Variants in LRRTM4 observed in about 807,000 individuals in gnomAD.
The protein encoded by LRRTM4 is leucine rich repeat transmembrane neuronal 4.
A neutral mutation model predicts 47.6 loss-of-function variants in LRRTM4; 25 were observed. That is an observed-to-expected ratio of 0.53 (90% CI 0.38 to 0.73). LRRTM4 has a LOEUF of 0.73. LRRTM4 is among the 30% of genes least tolerant of loss of function. The probability of loss-of-function intolerance (pLI) is 0.00; values close to 1 mark genes in which losing one functional copy is unlikely to be tolerated. For synonymous variants in LRRTM4, 311 were observed against 269.5 expected, an observed-to-expected ratio of 1.15 and a Z score of -1.51; for missense variants, 638 against 713.4, an observed-to-expected ratio of 0.89 and a Z score of 1.20.
At chr2:77,235,232 C>G (rs1018977389) in intron 3 of LRRTM4, among the ~76,000 whole-genome samples, 5 of 151,850 alleles carry the variant, frequency 3.3e-5, no homozygotes, top group Non-Finnish European at 7.4e-5. Context: ...ATAATAATAC[C>G]CATTCTGACT....
At position 77,521,706 on chromosome 2, in the gene LRRTM4, A is replaced by G. The variant is rs754328794; in HGVS notation, c.-35T>C. On this transcript the variant is annotated 5_prime_UTR_variant, in exon 2 of 4. Transcript: ENST00000409884. ...TCCAAAAACGTTTCCCCCCTCTCTC[A>G]GCTTTCTTCTTATTTGGTCTCTTGT... 2 of 1,611,950 alleles carry G rather than the reference A, an allele frequency of 1.2e-6. No homozygotes were observed. The highest frequency in any genetic ancestry group is 1.7e-6 in the Non-Finnish European group (2 of 1,178,928).
At chr2:77,273,819 A>T (rs747434092) in intron 3 of LRRTM4, among the ~76,000 whole-genome samples, 5 of 152,188 alleles carry the variant, frequency 3.3e-5, no homozygotes, top group Non-Finnish European at 7.4e-5. Flanking sequence ...TCATATATTT[A>T]TCATGTATTG....
intron 3 of LRRTM4, among the ~76,000 whole-genome samples, chr2:77,489,534 A>G (rs1257393830): frequency 6.6e-6 from 1 of 152,244 alleles, no homozygotes; most frequent in African/African-American, 2.4e-5. Context: ...ACATATCAAC[A>G]TTTAAAGCAA....
chr2:77,355,480 G>A (rs1011077953), intron 3 of LRRTM4, among the ~76,000 whole-genome samples: 7 of 152,112 alleles, frequency 4.6e-5, no homozygotes, highest in South Asian at 2.1e-4. Flanking sequence ...ACTAATCACC[G>A]GTTGTTCTGA....
intron 3 of LRRTM4, among the ~76,000 whole-genome samples, chr2:77,465,183 C>G (rs1676938053): frequency 6.6e-6 from 1 of 152,048 alleles, no homozygotes; most frequent in South Asian, 2.1e-4. Context: ...GGATTGATGT[C>G]TGGTATTCAT....
At chr2:77,088,932 ATTCCT>A (rs1426480497) in intron 3 of LRRTM4, among the ~76,000 whole-genome samples, 5 of 151,828 alleles carry the variant, frequency 3.3e-5, no homozygotes, top group Non-Finnish European at 7.4e-5. Flanking sequence ...CTTAATTTCA[ATTCCT>A]TTCATTTTCT....
At chr2:76,817,432 T>C (rs1465758730) in intron 3 of LRRTM4, among the ~76,000 whole-genome samples, 2 of 151,934 alleles carry the variant, frequency 1.3e-5, no homozygotes, top group South Asian at 2.1e-4. Flanking sequence ...ATGTAGGAGA[T>C]AGAGCAATGA....
chr2:77,501,855 G>C (rs72923926), intron 3 of LRRTM4, among the ~76,000 whole-genome samples: 2,541 of 151,270 alleles, frequency 0.017, 66 homozygotes, highest in African/African-American at 0.057. Context: ...ATAAGAAATT[G>C]CATGTGTCAC....
chr2:77,283,310 A>C (rs1676557535), intron 3 of LRRTM4, among the ~76,000 whole-genome samples: 1 of 152,082 alleles, frequency 6.6e-6, no homozygotes, highest in South Asian at 2.1e-4. Context: ...GGCTATTATA[A>C]AAAGTCAAAA....
intron 3 of LRRTM4, among the ~76,000 whole-genome samples, chr2:77,109,752 A>T (rs886298564): frequency 6.6e-6 from 1 of 152,114 alleles, no homozygotes; most frequent in Non-Finnish European, 1.5e-5. Context: ...ACCTAAAAAC[A>T]TGCATAAAAT....
intron 3 of LRRTM4, among the ~76,000 whole-genome samples, chr2:76,903,189 G>C (rs540525213): frequency 6.4e-4 from 97 of 152,082 alleles, no homozygotes; most frequent in Non-Finnish European, 1.2e-3. Flanking sequence ...GGCTAACACA[G>C]TGAAACCCCG....
chr2:77,521,138 AG>A (rs1013330705), intron 2 of LRRTM4, among the ~76,000 whole-genome samples: 8 of 151,908 alleles, frequency 5.3e-5, no homozygotes, highest in East Asian at 3.9e-4. Context: ...GACAGGAGAA[AG>A]GGGGGGAAAA....
intron 3 of LRRTM4, among the ~76,000 whole-genome samples, chr2:77,301,038 T>C (rs1677122012): frequency 6.6e-6 from 1 of 152,084 alleles, no homozygotes; most frequent in South Asian, 2.1e-4. Context: ...TATGAATCCA[T>C]GCTATATCTC....
Position 77,358,900 on chromosome 2 carries a change from T to A in LRRTM4, c.1551+159418A>T, listed in dbSNP as rs544728119. ...AAGACTTGGCCAACACATACTCTTT[T>A]ATTTAAATTATCTCTCTTGAAACTT... On this transcript the variant is annotated intron_variant, in intron 3 of 3. Coordinates refer to ENST00000409884, the MANE Select transcript of LRRTM4 (RefSeq NM_001134745.3). Among the ~76,000 whole-genome samples the A allele has an allele frequency of 3.3e-5, 5 of 152,320 alleles. 1 individual carries two copies. Among genetic ancestry groups the A allele is most frequent in the African/African-American group, 9.6e-5 (4 of 41,582 alleles).
intron 3 of LRRTM4, among the ~76,000 whole-genome samples, chr2:77,243,162 C>T (rs1675317183): frequency 6.6e-6 from 1 of 152,058 alleles, no homozygotes; most frequent in Admixed American, 6.6e-5. Flanking sequence ...CCTGTAATCC[C>T]AGCACTTTGG....
chr2:77,304,690 G>A (rs1317036229), intron 3 of LRRTM4, among the ~76,000 whole-genome samples: 3 of 152,070 alleles, frequency 2.0e-5, no homozygotes, highest in Non-Finnish European at 4.4e-5. Flanking sequence ...TAACTAGCAT[G>A]TACTAAGCAA....
intron 3 of LRRTM4, among the ~76,000 whole-genome samples, chr2:77,357,837 A>T (rs549651335): frequency 6.6e-6 from 1 of 152,312 alleles, no homozygotes; most frequent in East Asian, 1.9e-4. Context: ...GGCTCACTAT[A>T]AAATCTTAAT....
intron 3 of LRRTM4, among the ~76,000 whole-genome samples, chr2:77,283,301 G>C (rs900003532): frequency 2.0e-5 from 3 of 151,896 alleles, no homozygotes; most frequent in African/African-American, 7.3e-5. Context: ...AGTCAGAATG[G>C]CTATTATAAA....
intron 3 of LRRTM4, among the ~76,000 whole-genome samples, chr2:76,802,033 T>C (rs1410456324): frequency 6.6e-6 from 1 of 152,076 alleles, no homozygotes; most frequent in East Asian, 1.9e-4. Flanking sequence ...CGGTGAAAAG[T>C]GGAAAGCTTT....
Sources: allele counts gnomAD v4.1 joint callset (sites outside exome capture counted in the v4.1 genomes callset), GRCh38; gene constraint gnomAD v4.1.1; transcripts MANE v1.5; gene names NCBI Gene and HGNC (gene_info 2026-07-23, HGNC 2026-07-21).